SPATA6: variants seen among roughly 807,000 people sequenced by gnomAD.
The protein encoded by SPATA6 is spermatogenesis-associated protein 6.
SPATA6 carries 56 observed loss-of-function variants against 65.3 expected under a neutral mutation model. That is an observed-to-expected ratio of 0.86 (90% CI 0.69 to 1.07). The LOEUF (loss-of-function observed/expected upper bound fraction) is 1.07, where lower values mean the gene tolerates loss of function less well. SPATA6 is among the 50% of genes least tolerant of loss of function. The probability of loss-of-function intolerance (pLI) is 0.00; values close to 1 mark genes in which losing one functional copy is unlikely to be tolerated. For synonymous variants in SPATA6, 199 were observed against 213.2 expected (o/e 0.93, Z 0.58); for missense variants, 590 against 594.8 (o/e 0.99, Z 0.08).
intron 8 of SPATA6, 26 bp from the exon 9 acceptor site, chr1:48,385,375 A>G: frequency 1.3e-6 from 2 of 1,595,608 alleles, no homozygotes; most frequent in Non-Finnish European, 1.7e-6. Context: ...CAAAACAATT[A>G]AAGTTTAAAT....
intron 3 of SPATA6, among the ~76,000 whole-genome samples, chr1:48,425,594 T>G (rs1257578598): frequency 6.6e-6 from 1 of 152,052 alleles, no homozygotes; most frequent in African/African-American, 2.4e-5. Flanking sequence ...AGTATAATAT[T>G]TATGCAAGGA....
rs543914797 is a variant in SPATA6, at chr1:48,367,445, G to C, written c.910-7675C>G. Among the ~76,000 whole-genome samples the C allele has an allele frequency of 1.2e-4, 19 of 152,258 alleles. No homozygotes were observed. In the South Asian group the frequency reaches 3.9e-3, roughly 32 times the overall value. ...TGTGGGAGTCTAAGTCTCTTTGTAG[G>C]TCACTCAGGACTTGCTTTATGAATC... On this transcript the variant is annotated intron_variant, in intron 9 of 12. Coordinates refer to ENST00000371847, the MANE Select transcript of SPATA6 (RefSeq NM_019073.4).
At chr1:48,328,745 T>C (rs1645834759) in intron 11 of SPATA6, among the ~76,000 whole-genome samples, 1 of 152,176 alleles carries the variant, frequency 6.6e-6, no homozygotes, top group Non-Finnish European at 1.5e-5. Context: ...GTGAATTGTA[T>C]AGTAGGTGAA....
At chr1:48,371,160 G>C (rs1010380893) in intron 9 of SPATA6, among the ~76,000 whole-genome samples, 1 of 152,028 alleles carries the variant, frequency 6.6e-6, no homozygotes, top group African/African-American at 2.4e-5. Flanking sequence ...TACAAGGATG[G>C]ATTATCATTA....
chr1:48,400,199 A>G (rs1229224921), intron 6 of SPATA6, among the ~76,000 whole-genome samples: 1 of 151,860 alleles, frequency 6.6e-6, no homozygotes, highest in Non-Finnish European at 1.5e-5. Flanking sequence ...TTGGATTGTA[A>G]TACACACTTT....
intron 5 of SPATA6, among the ~76,000 whole-genome samples, chr1:48,404,544 T>C (rs766966917): frequency 2.7e-4 from 41 of 152,068 alleles, no homozygotes; most frequent in Non-Finnish European, 7.4e-5. Context: ...GATCTCACTA[T>C]GTCATGCAGG....
chr1:48,274,217 A>G, the SPATA6 span, among the ~76,000 whole-genome samples: 2,274 of 151,784 alleles, frequency 0.015, 55 homozygotes, highest in African/African-American at 0.052. Context: ...AATTTTATTT[A>G]AGTTCCATAG....
chr1:48,289,861 A>T, the SPATA6 span, among the ~76,000 whole-genome samples: 1 of 152,246 alleles, frequency 6.6e-6, no homozygotes, highest in Admixed American at 6.5e-5. Context: ...TGAAAAGACC[A>T]AATCTATGTC....
the SPATA6 span, among the ~76,000 whole-genome samples, chr1:48,267,036 A>C: frequency 2.0e-5 from 3 of 152,058 alleles, no homozygotes; most frequent in Admixed American, 1.3e-4. Flanking sequence ...TTCCGAAATA[A>C]ATATTTTAGA....
chr1:48,396,201 G>A (rs1461010986), intron 7 of SPATA6, among the ~76,000 whole-genome samples: 2 of 151,692 alleles, frequency 1.3e-5, no homozygotes, highest in African/African-American at 2.4e-5. Flanking sequence ...TCATAGTGAC[G>A]TACCCATTAG....
chr1:48,294,483 C>T (rs1483850934), downstream of SPATA6, among the ~76,000 whole-genome samples: 1 of 152,146 alleles, frequency 6.6e-6, no homozygotes, highest in Non-Finnish European at 1.5e-5. Context: ...TCTCAGGGTG[C>T]CTATTATGGT....
downstream of SPATA6, among the ~76,000 whole-genome samples, chr1:48,291,314 T>A (rs1235064844): frequency 1.3e-5 from 2 of 152,166 alleles, no homozygotes; most frequent in Admixed American, 6.5e-5. Context: ...ATGTCCCTTG[T>A]CTTTGGCTAC....
intron 3 of SPATA6, among the ~76,000 whole-genome samples, chr1:48,426,455 A>C (rs1031651230): frequency 3.3e-5 from 5 of 152,156 alleles, no homozygotes; most frequent in Non-Finnish European, 7.3e-5. Context: ...ACTATAGGGA[A>C]TAGAATAAAA....
chr1:48,391,343 C>A (rs1650047887), intron 8 of SPATA6, among the ~76,000 whole-genome samples: 1 of 151,660 alleles, frequency 6.6e-6, no homozygotes, highest in African/African-American at 2.4e-5. Flanking sequence ...ACCACGCCCA[C>A]CAGCCTGGAT....
chr1:48,288,586 C>T, the SPATA6 span, among the ~76,000 whole-genome samples: 4 of 152,188 alleles, frequency 2.6e-5, no homozygotes, highest in African/African-American at 9.6e-5. Flanking sequence ...CAGAGAACTC[C>T]CTTTCCTAGC....
chr1:48,284,569 A>G, the SPATA6 span, among the ~76,000 whole-genome samples: 941 of 152,288 alleles, frequency 6.2e-3, 7 homozygotes, highest in African/African-American at 0.016. Flanking sequence ...TTGTGGATGT[A>G]TCTACCTTTG....
intron 3 of SPATA6, among the ~76,000 whole-genome samples, chr1:48,451,233 C>G (rs1259966550): frequency 6.6e-6 from 1 of 152,172 alleles, no homozygotes; most frequent in Non-Finnish European, 1.5e-5. Flanking sequence ...GGGAAAATCT[C>G]AACTAACATA....
chr1:48,468,215 G>T (rs1041275371), intron 1 of SPATA6, among the ~76,000 whole-genome samples: 11 of 151,956 alleles, frequency 7.2e-5, no homozygotes, highest in African/African-American at 2.4e-4. Context: ...TGTGTGAGGG[G>T]GTGTGTGTGT....
At chr1:48,441,073 G>A (rs750305918) in intron 3 of SPATA6, among the ~76,000 whole-genome samples, 1 of 152,114 alleles carries the variant, frequency 6.6e-6, no homozygotes, top group Non-Finnish European at 1.5e-5. Flanking sequence ...GAAACAAGCT[G>A]CCCACCCTGC....
Sources: allele counts gnomAD v4.1 joint callset (sites outside exome capture counted in the v4.1 genomes callset), GRCh38; gene constraint gnomAD v4.1.1; transcripts MANE v1.5; gene names NCBI Gene and HGNC (gene_info 2026-07-23, HGNC 2026-07-21).